C8B: variants seen among roughly 807,000 people sequenced by gnomAD.
The protein encoded by C8B is complement component C8 beta chain.
In C8B, 67 loss-of-function variants were observed where a neutral mutation model predicts 64.6. The observed-to-expected ratio is 1.04, with a 90% CI of 0.85 to 1.27. C8B has a LOEUF of 1.27. Ranked by LOEUF, C8B falls within the 50% of genes most tolerant of loss-of-function variation. The probability of loss-of-function intolerance (pLI) is 0.00; values close to 1 mark genes in which losing one functional copy is unlikely to be tolerated. For synonymous variants in C8B, 284 were observed against 257.7 expected (o/e 1.10, Z -0.98); for missense variants, 790 against 725.2 (o/e 1.09, Z -1.03).
Position 56,956,753 on chromosome 1 carries a change from C to A in C8B, c.391+16G>T. On this transcript the variant is annotated intron_variant, in intron 3 of 11. Transcript: ENST00000371237. ...CATTTCAGGCTTTCCCCTCTTACTC[C>A]TACATTGATTTATACCTGTCTGTGC... 1 of 1,613,676 alleles carries A rather than the reference C, an allele frequency of 6.2e-7. No individual in the cohort carries two copies. The highest frequency in any genetic ancestry group is 8.5e-7 in the Non-Finnish European group (1 of 1,179,838).
intron 1 of C8B, among the ~76,000 whole-genome samples, 174 bp downstream of exon 1, chr1:56,965,683 G>C (rs1258603753): frequency 6.6e-6 from 1 of 152,064 alleles, no homozygotes; most frequent in African/African-American, 2.4e-5. Context: ...TCAGCTACTT[G>C]GTTCCACAAT....
chr1:56,939,670 T>A (rs1405976553), intron 9 of C8B, among the ~76,000 whole-genome samples: 3 of 152,354 alleles, frequency 2.0e-5, no homozygotes, highest in African/African-American at 7.2e-5. Context: ...TCTTTTTAGT[T>A]TAACATTGTA....
intron 1 of C8B, among the ~76,000 whole-genome samples, chr1:56,965,132 C>A (rs2236217): frequency 0.16 from 24,237 of 152,094 alleles, 2,340 homozygotes; most frequent in East Asian, 0.38. Context: ...ATTACAGTCC[C>A]TCTTCCCACA....
chr1:56,955,717 T>A (rs914176742), intron 3 of C8B, among the ~76,000 whole-genome samples: 3 of 152,174 alleles, frequency 2.0e-5, no homozygotes, highest in African/African-American at 7.2e-5. Context: ...CTGTAAAAAG[T>A]CTCTCAGATT....
chr1:56,965,707 T>G (rs2101486771), intron 1 of C8B, 150 bp downstream of exon 1: 2 of 792,192 alleles, frequency 2.5e-6, no homozygotes, highest in East Asian at 2.7e-5. Flanking sequence ...TTGAAAAGAG[T>G]TGTTGATAGT....
chr1:56,930,105 A>G (rs1003383722), intron 11 of C8B, among the ~76,000 whole-genome samples: 3 of 152,212 alleles, frequency 2.0e-5, no homozygotes, highest in African/African-American at 7.2e-5. Flanking sequence ...GGATGAATGG[A>G]TGAATAAATA....
intron 6 of C8B, among the ~76,000 whole-genome samples, chr1:56,949,032 A>T (rs1644982671): frequency 6.6e-6 from 1 of 151,754 alleles, no homozygotes; most frequent in African/African-American, 2.4e-5. Flanking sequence ...AGAAGATTTC[A>T]AGACAACAGA....
intron 1 of C8B, among the ~76,000 whole-genome samples, chr1:56,965,322 C>T (rs1645237433): frequency 6.6e-6 from 1 of 151,346 alleles, no homozygotes; most frequent in Non-Finnish European, 1.5e-5. Context: ...TTAATGGAGA[C>T]TAACAATGAT....
chr1:56,953,935 G>A (rs1423189686), intron 4 of C8B, among the ~76,000 whole-genome samples: 1 of 152,192 alleles, frequency 6.6e-6, no homozygotes, highest in East Asian at 1.9e-4. Context: ...AGCCTCCCAT[G>A]TGAAGAGTCT....
At chr1:56,940,702 T>C in intron 9 of C8B, 147 bp downstream of exon 9, 2 of 836,296 alleles carry the variant, frequency 2.4e-6, no homozygotes, top group East Asian at 5.3e-5. Context: ...TTTATTTATT[T>C]CAAATATATT....
chr1:56,934,093 T>A (rs1286519046), intron 9 of C8B, among the ~76,000 whole-genome samples: 1 of 152,088 alleles, frequency 6.6e-6, no homozygotes. Flanking sequence ...ACTACTCATC[T>A]GAAACAAATC....
rs554100091 is a variant in C8B at position 56,961,626 on chromosome 1, C to T, written c.93-1450G>A. ...CATCTATGTAAGGCCTCTTTCTTTC[C>T]ATATCCAGGATTGAGTCATTAGGGA... On this transcript the variant is annotated intron_variant, in intron 1 of 11. Transcript: ENST00000371237. 6.6e-5 allele frequency among the ~76,000 whole-genome samples: 10 copies of T among 152,300 alleles called. No homozygotes were observed. In the East Asian group the frequency reaches 7.7e-4, roughly 12 times the overall value.
chr1:56,954,914 C>T, intron 3 of C8B, 87 bp from the exon 4 acceptor site: 1 of 1,500,426 alleles, frequency 6.7e-7, no homozygotes, highest in Non-Finnish European at 9.3e-7. Flanking sequence ...AGTGCCAGAC[C>T]TTTTGTCAGG....
chr1:56,959,421 G>A, intron 2 of C8B: 1 of 701,346 alleles, frequency 1.4e-6, no homozygotes, highest in South Asian at 1.6e-5. Flanking sequence ...CTGGAGGTAG[G>A]GCTGAGGAGG....
chr1:56,947,263 A>G (rs747224461), intron 6 of C8B, among the ~76,000 whole-genome samples: 1 of 152,096 alleles, frequency 6.6e-6, no homozygotes, highest in Non-Finnish European at 1.5e-5. Flanking sequence ...TGAGTATAAG[A>G]TCATCACAAT....
intron 2 of C8B, among the ~76,000 whole-genome samples, chr1:56,958,918 G>A (rs923036440): frequency 6.6e-6 from 1 of 152,224 alleles, no homozygotes; most frequent in Non-Finnish European, 1.5e-5. Flanking sequence ...AGGATCTGGG[G>A]AAATAGCAAC....
intron 1 of C8B, among the ~76,000 whole-genome samples, chr1:56,964,953 C>A (rs1004631000): frequency 2.0e-5 from 3 of 152,194 alleles, no homozygotes; most frequent in Non-Finnish European, 4.4e-5. Context: ...ATAGCTGTTA[C>A]TTATTGAGTG....
intron 10 of C8B, among the ~76,000 whole-genome samples, chr1:56,932,847 T>C (rs899089939): frequency 4.6e-5 from 7 of 152,184 alleles, no homozygotes; most frequent in African/African-American, 1.7e-4. Flanking sequence ...TTTTGTGTGC[T>C]GGGCTGGCCT....
rs1644705214 is a variant in C8B at position 56,931,792 on chromosome 1, C to T, written c.1621+18G>A. 1 of 1,580,084 alleles carries T rather than the reference C, an allele frequency of 6.3e-7. No individual in the cohort carries two copies. The highest frequency in any genetic ancestry group is 8.7e-7 in the Non-Finnish European group (1 of 1,151,208). On this transcript the variant is annotated intron_variant, in intron 11 of 11. Coordinates refer to ENST00000371237, the MANE Select transcript of C8B (RefSeq NM_000066.4). ...TATTCTCTGGACCTCCCCAGAGTTC[C>T]TTTTCCAATTAACTTACTCTTCCGA...
Sources: allele counts gnomAD v4.1 joint callset (sites outside exome capture counted in the v4.1 genomes callset), GRCh38; gene constraint gnomAD v4.1.1; transcripts MANE v1.5; gene names NCBI Gene and HGNC (gene_info 2026-07-23, HGNC 2026-07-21).